Variants in LRRK2 observed in about 807,000 individuals in gnomAD.
LRRK2 encodes the protein leucine-rich repeat serine/threonine-protein kinase 2.
Under a neutral mutation model 302.6 loss-of-function variants are expected in LRRK2, and 203 were observed. The observed-to-expected ratio is 0.67, with a 90% CI of 0.60 to 0.75. LRRK2 has a LOEUF of 0.75. Among genes scored for constraint, LRRK2 ranks in the 30% least tolerant of loss-of-function variants. The pLI, the probability that LRRK2 is intolerant of heterozygous loss-of-function variation, is 0.00. For missense variants in LRRK2, 2,830 were observed against 2,951.0 expected, an observed-to-expected ratio of 0.96 and a Z score of 0.95; for synonymous variants, 1,066 against 1,031.9, an observed-to-expected ratio of 1.03 and a Z score of -0.63.
chr12:40,335,171 G>A lies in LRRK2; in HGVS notation c.5948+14G>A, dbSNP rs1945830812. The A allele has an allele frequency of 1.9e-6, 3 of 1,613,772 alleles. No individual in the cohort carries two copies. The highest frequency in any genetic ancestry group is 2.5e-6 in the Non-Finnish European group (3 of 1,179,790). On this transcript the variant is annotated intron_variant, in intron 40 of 50. Coordinates refer to ENST00000298910, the MANE Select transcript of LRRK2 (RefSeq NM_198578.4). ...TGATGGTTTGAGGTAAGTAGGTCAT[G>A]TTGTTTTCTATTCAGTGCATGACAA... is the stretch of plus-strand genomic sequence containing the variant.
chr12:40,364,361 T>A (rs1229283408), intron 48 of LRRK2, among the ~76,000 whole-genome samples: 1 of 151,954 alleles, frequency 6.6e-6, no homozygotes, highest in East Asian at 1.9e-4. Context: ...TAGGATTCTT[T>A]TATTTCTGGA....
chr12:40,293,815 A>G, intron 21 of LRRK2, 152 bp downstream of exon 21: 1 of 580,186 alleles, frequency 1.7e-6, no homozygotes, highest in African/African-American at 1.9e-5. Context: ...TGTAATAGAT[A>G]TGAAAACATA....
intron 20 of LRRK2, among the ~76,000 whole-genome samples, chr12:40,291,968 A>C (rs759617625): frequency 6.6e-6 from 1 of 152,096 alleles, no homozygotes; most frequent in Non-Finnish European, 1.5e-5. Flanking sequence ...ATATTAATCT[A>C]AGTTTGCAGT....
intron 26 of LRRK2, among the ~76,000 whole-genome samples, chr12:40,303,084 C>T (rs1944688151): frequency 2.0e-5 from 3 of 152,030 alleles, no homozygotes; most frequent in African/African-American, 7.2e-5. Flanking sequence ...TTTAGTGGAT[C>T]ATTGTGTAAA....
chr12:40,248,308 A>T (rs1236462900), intron 7 of LRRK2, among the ~76,000 whole-genome samples: 1 of 152,198 alleles, frequency 6.6e-6, no homozygotes. Flanking sequence ...GGGAAATGCT[A>T]CTTGACTGCC....
chr12:40,284,405 G>A (rs963995125), intron 19 of LRRK2, among the ~76,000 whole-genome samples: 62 of 150,936 alleles, frequency 4.1e-4, no homozygotes, highest in Non-Finnish European at 6.5e-4. Context: ...TATTATTAAA[G>A]TAAGATATCC....
intron 1 of LRRK2, 108 bp from the exon 2 acceptor site, chr12:40,225,447 C>T (rs1390350078): frequency 3.9e-6 from 5 of 1,266,654 alleles, no homozygotes; most frequent in Non-Finnish European, 5.7e-6. Flanking sequence ...CTGAGAATTT[C>T]AGGAAGGTCT....
intron 28 of LRRK2, among the ~76,000 whole-genome samples, chr12:40,308,029 C>T (rs113772607): frequency 0.13 from 20,085 of 151,928 alleles, 1,601 homozygotes; most frequent in African/African-American, 0.19. Flanking sequence ...ATCCGCCCAC[C>T]TCGGCCTCCC....
chr12:40,324,622 C>T (rs960725032), intron 38 of LRRK2, among the ~76,000 whole-genome samples: 5 of 152,144 alleles, frequency 3.3e-5, no homozygotes, highest in African/African-American at 1.2e-4. Context: ...TCAGTCAGGA[C>T]ATAATATTAT....
intron 39 of LRRK2, among the ~76,000 whole-genome samples, chr12:40,333,421 A>G (rs1945773834): frequency 6.6e-6 from 1 of 152,148 alleles, no homozygotes; most frequent in African/African-American, 2.4e-5. Context: ...GCATGAATCA[A>G]TTTAACATCA....
At chr12:40,355,019 G>A (rs1946483518) in intron 45 of LRRK2, among the ~76,000 whole-genome samples, 1 of 152,088 alleles carries the variant, frequency 6.6e-6, no homozygotes, top group South Asian at 2.1e-4. Context: ...TATCTACATA[G>A]CAAAATTTCA....
At chr12:40,252,773 C>T in intron 10 of LRRK2, 137 bp from the exon 11 acceptor site, 1 of 655,082 alleles carries the variant, frequency 1.5e-6, no homozygotes, top group Non-Finnish European at 2.8e-6. Flanking sequence ...CTATAATTCA[C>T]TCTTGTAAGT....
At chr12:40,287,226 A>C (rs926709690) in intron 19 of LRRK2, 125 bp from the exon 20 acceptor site, 2 of 833,974 alleles carry the variant, frequency 2.4e-6, no homozygotes, top group African/African-American at 3.4e-5. Flanking sequence ...GTGTAAGGTG[A>C]CTTTGAAAGG....
At chr12:40,233,409 A>C (rs1328882709) in intron 3 of LRRK2, among the ~76,000 whole-genome samples, 1 of 152,166 alleles carries the variant, frequency 6.6e-6, no homozygotes, top group Non-Finnish European at 1.5e-5. Context: ...TAGTGCTATA[A>C]ATTTAGACAA....
At chr12:40,298,128 C>G in intron 23 of LRRK2, 115 bp from the exon 24 acceptor site, 1 of 1,107,202 alleles carries the variant, frequency 9.0e-7, no homozygotes, top group Non-Finnish European at 1.3e-6. Context: ...GTGTTTTCAA[C>G]TTTTTGAAAA....
rs1358971403 is a variant in LRRK2, at chr12:40,295,496, A to G, written c.2948A>G (p.Tyr983Cys). Reference sequence around the variant, plus strand: ...TCTTCTCTGGCTTCTGAGAGAGAATATATTACATCACTAGACCTTTCAGCA... The same window carrying G: ...TCTTCTCTGGCTTCTGAGAGAGAATGTATTACATCACTAGACCTTTCAGCA... ...SISSLASERE[Y>C]ITSLDLSANE... Residue 983 changes from tyrosine (Y) to cysteine (C), a missense_variant, in exon 23 of 51, where the codon TAT becomes TGT. By Grantham distance (194) the Tyr-to-Cys change is radical. Transcript: ENST00000298910. 3 of 1,613,954 alleles carry G rather than the reference A, an allele frequency of 1.9e-6. No individual in the cohort carries two copies. The highest frequency in any genetic ancestry group is 2.2e-5 in the East Asian group (1 of 44,870).
At chr12:40,346,995 G>A in intron 42 of LRRK2, 72 bp downstream of exon 42, 1 of 1,253,934 alleles carries the variant, frequency 8.0e-7, no homozygotes, top group Non-Finnish European at 1.1e-6. Flanking sequence ...TTTAATTGTA[G>A]TTGTATGCTT....
chr12:40,232,842 A>C (rs569421852), intron 3 of LRRK2: 1 of 152,920 alleles, frequency 6.5e-6, no homozygotes, highest in East Asian at 1.9e-4. Context: ...ATATACAGTA[A>C]GTTTAAACTA....
intron 13 of LRRK2, 128 bp downstream of exon 13, chr12:40,259,732 T>C (rs1942686151): frequency 1.1e-5 from 13 of 1,220,618 alleles, no homozygotes; most frequent in South Asian, 1.3e-5. Context: ...AATCTTTCTG[T>C]TAAACCAAAA....
Sources: gnomAD v4.1 joint callset for allele counts (sites outside exome capture counted in the v4.1 genomes callset) on GRCh38, gnomAD v4.1.1 for gene constraint, MANE v1.5 for transcripts, NCBI Gene and HGNC (gene_info 2026-07-23, HGNC 2026-07-21) for gene names.